RIMBP2: variants seen among roughly 807,000 people sequenced by gnomAD.
RIMBP2 encodes the protein RIMS binding protein 2.
In RIMBP2, 48 loss-of-function variants were observed where a neutral mutation model predicts 118.6. The observed-to-expected ratio is 0.40, with a 90% CI of 0.32 to 0.51. The LOEUF is 0.51. RIMBP2 is among the 20% of genes least tolerant of loss of function. The probability of loss-of-function intolerance (pLI) is 0.41; values close to 1 mark genes in which losing one functional copy is unlikely to be tolerated. For synonymous variants in RIMBP2, 762 were observed against 742.9 expected (o/e 1.03, Z -0.42); for missense variants, 1,551 against 1,768.3 (o/e 0.88, Z 2.20).
At chr12:130,655,527 C>T (rs1174852113) in intron 1 of RIMBP2, among the ~76,000 whole-genome samples, 1 of 152,096 alleles carries the variant, frequency 6.6e-6, no homozygotes, top group African/African-American at 2.4e-5. Context: ...AGAACAGGCC[C>T]CAAACCATTG....
At chr12:130,560,143 T>C (rs775104765) in intron 2 of RIMBP2, among the ~76,000 whole-genome samples, 16 of 152,262 alleles carry the variant, frequency 1.1e-4, no homozygotes, top group African/African-American at 1.9e-4. Flanking sequence ...GAGGCAAAAA[T>C]GTGTTCTAAA....
chr12:130,626,423 C>T (rs2061633907), intron 2 of RIMBP2, among the ~76,000 whole-genome samples: 3 of 145,676 alleles, frequency 2.1e-5, no homozygotes, highest in Non-Finnish European at 4.4e-5. Context: ...TCAGCTCCTC[C>T]ATCACCATGA....
chr12:130,476,518 T>C (rs1351109708), intron 5 of RIMBP2, among the ~76,000 whole-genome samples: 1 of 152,144 alleles, frequency 6.6e-6, no homozygotes, highest in African/African-American at 2.4e-5. Flanking sequence ...TCAACCCCTG[T>C]TCCCTCCCTG....
chr12:130,538,225 G>A, intron 2 of RIMBP2, among the ~76,000 whole-genome samples: 1 of 152,084 alleles, frequency 6.6e-6, no homozygotes, highest in South Asian at 2.1e-4. Context: ...ATATAAAAAT[G>A]AAAGAATATA....
At chr12:130,674,760 GC>G (rs1474318542) in intron 1 of RIMBP2, among the ~76,000 whole-genome samples, 1 of 151,764 alleles carries the variant, frequency 6.6e-6, no homozygotes, top group Non-Finnish European at 1.5e-5. Flanking sequence ...ATGACCGGCC[GC>G]TCCCCATTCC....
At chr12:130,662,436 T>C (rs2063702864) in intron 1 of RIMBP2, among the ~76,000 whole-genome samples, 2 of 152,116 alleles carry the variant, frequency 1.3e-5, no homozygotes, top group South Asian at 4.1e-4. Flanking sequence ...GGCGTGTGGA[T>C]GACGAGGTCA....
At chr12:130,490,838 A>C (rs917996754) in intron 4 of RIMBP2, among the ~76,000 whole-genome samples, 1 of 152,186 alleles carries the variant, frequency 6.6e-6, no homozygotes, top group Non-Finnish European at 1.5e-5. Flanking sequence ...AGAGAGGCCA[A>C]ATGCCAACTC....
At chr12:130,517,360 T>C (rs921527635) in intron 3 of RIMBP2, among the ~76,000 whole-genome samples, 4 of 152,164 alleles carry the variant, frequency 2.6e-5, no homozygotes, top group South Asian at 2.1e-4. Flanking sequence ...TCAGCCTCCA[T>C]AGCTTAAGAA....
At chr12:130,639,103 C>G (rs1028593466) in intron 1 of RIMBP2, among the ~76,000 whole-genome samples, 1 of 152,074 alleles carries the variant, frequency 6.6e-6, no homozygotes, top group African/African-American at 2.4e-5. Flanking sequence ...TTAATAAAAG[C>G]CTGGCCGGGC....
intron 2 of RIMBP2, among the ~76,000 whole-genome samples, chr12:130,531,811 T>TAGGTGTCCCTTC (rs2053405584): frequency 6.6e-6 from 1 of 152,144 alleles, no homozygotes; most frequent in African/African-American, 2.4e-5. Context: ...TCCATGAGAG[T>TAGGTGTCCCTTC]CAAAACCCAG....
intron 1 of RIMBP2, among the ~76,000 whole-genome samples, chr12:130,643,331 A>G (rs1230979158): frequency 1.3e-5 from 2 of 152,210 alleles, no homozygotes; most frequent in Non-Finnish European, 2.9e-5. Context: ...CTCCTGTGTC[A>G]GGGAGAGGTG....
chr12:130,653,393 G>C (rs1325741509), intron 1 of RIMBP2, among the ~76,000 whole-genome samples: 1 of 152,256 alleles, frequency 6.6e-6, no homozygotes, highest in Non-Finnish European at 1.5e-5. Flanking sequence ...TTGACTCCGT[G>C]CCCCACATCC....
intron 11 of RIMBP2, among the ~76,000 whole-genome samples, chr12:130,440,941 G>A (rs2078068718): frequency 6.6e-6 from 1 of 152,144 alleles, no homozygotes; most frequent in African/African-American, 2.4e-5. Flanking sequence ...GCGAGTCGGA[G>A]AGCAAGAAGA....
At chr12:130,627,840 G>A (rs2061740147) in intron 2 of RIMBP2, among the ~76,000 whole-genome samples, 1 of 152,158 alleles carries the variant, frequency 6.6e-6, no homozygotes, top group Admixed American at 6.5e-5. Flanking sequence ...CAGTCATGTG[G>A]ACTACATGGT....
chr12:130,700,891 A>G (rs546204791), intron 1 of RIMBP2, among the ~76,000 whole-genome samples: 4 of 152,306 alleles, frequency 2.6e-5, no homozygotes, highest in East Asian at 3.9e-4. Context: ...GAATGCCCAC[A>G]GTGCACACTT....
intron 2 of RIMBP2, among the ~76,000 whole-genome samples, chr12:130,554,320 A>C (rs1248498356): frequency 6.6e-6 from 1 of 152,190 alleles, no homozygotes; most frequent in African/African-American, 2.4e-5. Flanking sequence ...CGTTTGCTAA[A>C]GTACCTAGCA....
chr12:130,452,752 G>C (rs1354437413), intron 7 of RIMBP2, among the ~76,000 whole-genome samples: 1 of 152,214 alleles, frequency 6.6e-6, no homozygotes, highest in African/African-American at 2.4e-5. Context: ...GACCTGGGGG[G>C]CCGCGTGTGA....
intron 9 of RIMBP2, among the ~76,000 whole-genome samples, chr12:130,449,710 G>A (rs892577745): frequency 3.4e-4 from 52 of 152,248 alleles, no homozygotes; most frequent in African/African-American, 9.6e-4. Context: ...ATACTGCAGC[G>A]GGGCAGATTC....
intron 14 of RIMBP2, chr12:130,428,873 A>G (rs544363341): frequency 2.1e-4 from 32 of 152,604 alleles, no homozygotes; most frequent in Admixed American, 4.6e-4. Context: ...CGAGGTGGGC[A>G]GATCACAAGG....
Sources: gnomAD v4.1 joint callset for allele counts (sites outside exome capture counted in the v4.1 genomes callset) on GRCh38, gnomAD v4.1.1 for gene constraint, MANE v1.5 for transcripts, NCBI Gene and HGNC (gene_info 2026-07-23, HGNC 2026-07-21) for gene names.